Variants in PDZRN3 observed in about 807,000 individuals in gnomAD.
PDZRN3 encodes E3 ubiquitin-protein ligase PDZRN3.
In PDZRN3, 38 loss-of-function variants were observed where a neutral mutation model predicts 85.7. The ratio of observed to expected loss-of-function variants is 0.44; its 90% CI spans 0.34 to 0.58. The LOEUF (loss-of-function observed/expected upper bound fraction) is 0.58, where lower values mean the gene tolerates loss of function less well. PDZRN3 is among the 20% of genes least tolerant of loss of function. The pLI, the probability that PDZRN3 is intolerant of heterozygous loss-of-function variation, is 0.01. For missense variants in PDZRN3, 1,629 were observed against 1,506.4 expected (o/e 1.08, Z -1.35); for synonymous variants, 759 against 638.0 (o/e 1.19, Z -2.86).
At chr3:73,556,595 G>C (rs1228613974) in intron 3 of PDZRN3, 1 of 152,096 alleles carries the variant, frequency 6.6e-6, no homozygotes, top group Non-Finnish European at 1.5e-5. Flanking sequence ...AATATGGGGA[G>C]GAAAATATTA....
chr3:73,617,231 G>A (rs147901172), intron 1 of PDZRN3, among the ~76,000 whole-genome samples: 52 of 152,320 alleles, frequency 3.4e-4, no homozygotes, highest in African/African-American at 1.1e-3. Flanking sequence ...AGATTACGCG[G>A]TGCCTCTGCT....
intron 3 of PDZRN3, among the ~76,000 whole-genome samples, chr3:73,481,616 C>G (rs899780315): frequency 6.6e-6 from 1 of 151,600 alleles, no homozygotes; most frequent in African/African-American, 2.4e-5. Context: ...AGGCGTAAGC[C>G]ACCACACCTG....
intron 3 of PDZRN3, chr3:73,433,724 A>G: frequency 1.3e-6 from 2 of 1,536,066 alleles, no homozygotes; most frequent in Non-Finnish European, 1.7e-6. Context: ...AAAAACGTCA[A>G]AGGAAGGCTT....
At chr3:73,586,616 C>A (rs949350682) in intron 3 of PDZRN3, among the ~76,000 whole-genome samples, 1 of 152,150 alleles carries the variant, frequency 6.6e-6, no homozygotes, top group Non-Finnish European at 1.5e-5. Context: ...GGACACTTCA[C>A]CGGGGGGGTC....
intron 3 of PDZRN3, among the ~76,000 whole-genome samples, chr3:73,466,222 C>G (rs1382198849): frequency 1.3e-5 from 2 of 151,262 alleles, no homozygotes; most frequent in Non-Finnish European, 2.9e-5. Flanking sequence ...CAAGATTTTA[C>G]AAATTTGACA....
At chr3:73,424,605 A>G (rs1006689846) in intron 3 of PDZRN3, among the ~76,000 whole-genome samples, 2 of 151,886 alleles carry the variant, frequency 1.3e-5, no homozygotes, top group African/African-American at 4.8e-5. Context: ...AATGTTTACA[A>G]CACTTACATC....
At chr3:73,392,081 C>T (rs1016344620) in intron 5 of PDZRN3, among the ~76,000 whole-genome samples, 4 of 152,198 alleles carry the variant, frequency 2.6e-5, no homozygotes, top group Admixed American at 2.0e-4. Flanking sequence ...GCTGTCTATG[C>T]GGAGAAGCTC....
intron 3 of PDZRN3, among the ~76,000 whole-genome samples, chr3:73,498,977 G>C (rs1703923039): frequency 6.6e-6 from 1 of 152,182 alleles, no homozygotes; most frequent in South Asian, 2.1e-4. Context: ...TGAGATACAA[G>C]CTGGGGTAGC....
intron 3 of PDZRN3, among the ~76,000 whole-genome samples, chr3:73,559,844 T>C (rs1701779109): frequency 1.3e-5 from 2 of 152,222 alleles, no homozygotes; most frequent in Admixed American, 1.3e-4. Flanking sequence ...AATGAAAGCC[T>C]AAACAACTAG....
At chr3:73,620,479 C>T (rs1702840307) in intron 1 of PDZRN3, among the ~76,000 whole-genome samples, 1 of 152,158 alleles carries the variant, frequency 6.6e-6, no homozygotes, top group Admixed American at 6.5e-5. Context: ...TGTAGCAATC[C>T]CAAGTCTGCT....
intron 1 of PDZRN3, among the ~76,000 whole-genome samples, chr3:73,620,951 C>A (rs576245626): frequency 5.9e-5 from 9 of 152,334 alleles, no homozygotes; most frequent in African/African-American, 2.2e-4. Flanking sequence ...ACCAGTGAAA[C>A]CATAACTGTG....
At chr3:73,602,306 TG>T in intron 3 of PDZRN3, 47 bp downstream of exon 3, 1 of 1,001,680 alleles carries the variant, frequency 1.0e-6, no homozygotes, top group South Asian at 1.3e-5. Flanking sequence ...TAGACGAAGA[TG>T]GGATGGCATT....
intron 2 of PDZRN3, among the ~76,000 whole-genome samples, chr3:73,605,222 A>G (rs1702580345): frequency 6.6e-6 from 1 of 151,718 alleles, no homozygotes; most frequent in South Asian, 2.1e-4. Flanking sequence ...AAAAAAAAAA[A>G]GCTAGATTTC....
chr3:73,527,909 G>A lies in PDZRN3; in HGVS notation c.918+74445C>T, dbSNP rs77314055. Among the ~76,000 whole-genome samples the A allele has an allele frequency of 3.2e-4, 49 of 152,202 alleles. No individual in the cohort carries two copies. The East Asian group carries it at 6.6e-3, about 20-fold the overall frequency. ...TATTTACTCGCATGAGGCAAAACAC[G>A]AACTACAGAGAACTCTTATCCCACG... is the stretch of plus-strand genomic sequence containing the variant. On this transcript the variant is annotated intron_variant, in intron 3 of 9. Coordinates refer to ENST00000263666, the MANE Select transcript of PDZRN3 (RefSeq NM_015009.3).
At chr3:73,462,340 G>A (rs1175496311) in intron 3 of PDZRN3, among the ~76,000 whole-genome samples, 3 of 151,970 alleles carry the variant, frequency 2.0e-5, no homozygotes, top group Non-Finnish European at 4.4e-5. Context: ...TCAGGAGATC[G>A]AGACCATCCT....
At chr3:73,617,597 G>C (rs1225813054) in intron 1 of PDZRN3, among the ~76,000 whole-genome samples, 1 of 152,208 alleles carries the variant, frequency 6.6e-6, no homozygotes, top group Non-Finnish European at 1.5e-5. Context: ...AATACATTTG[G>C]AAGAACTTCA....
chr3:73,437,576 G>A (rs768006189), intron 3 of PDZRN3, among the ~76,000 whole-genome samples: 5 of 152,078 alleles, frequency 3.3e-5, no homozygotes, highest in South Asian at 4.1e-4. Flanking sequence ...TGCAGGAGGC[G>A]GAGAGGAATG....
intron 3 of PDZRN3, among the ~76,000 whole-genome samples, chr3:73,436,640 G>C (rs918339359): frequency 6.6e-6 from 1 of 152,130 alleles, no homozygotes; most frequent in East Asian, 1.9e-4. Flanking sequence ...CTCTTTGTTA[G>C]AAAGTTTCCC....
intron 3 of PDZRN3, among the ~76,000 whole-genome samples, chr3:73,522,040 A>C (rs1704380374): frequency 6.6e-6 from 1 of 152,230 alleles, no homozygotes; most frequent in Non-Finnish European, 1.5e-5. Context: ...ATGACATGTG[A>C]AAATTATATG....
Sources: gnomAD v4.1 joint callset for allele counts (sites outside exome capture counted in the v4.1 genomes callset) on GRCh38, gnomAD v4.1.1 for gene constraint, MANE v1.5 for transcripts, NCBI Gene and HGNC (gene_info 2026-07-23, HGNC 2026-07-21) for gene names.